Variants in TMOD1 observed in about 807,000 individuals in gnomAD.
The protein encoded by TMOD1 is tropomodulin-1.
In TMOD1, 17 loss-of-function variants were observed where a neutral mutation model predicts 40.6. The ratio of observed to expected loss-of-function variants is 0.42; its 90% CI spans 0.29 to 0.63. TMOD1 has a LOEUF of 0.63. TMOD1 is among the 20% of genes least tolerant of loss of function. The probability of loss-of-function intolerance (pLI) is 0.22; values close to 1 mark genes in which losing one functional copy is unlikely to be tolerated. For synonymous variants in TMOD1, 181 were observed against 175.0 expected, an observed-to-expected ratio of 1.03 and a Z score of -0.27; for missense variants, 391 against 447.6, an observed-to-expected ratio of 0.87 and a Z score of 1.14.
chr9:97,580,991 T>C (rs1028573181), intron 8 of TMOD1, among the ~76,000 whole-genome samples: 1 of 38,432 alleles, frequency 2.6e-5, no homozygotes, highest in Non-Finnish European at 5.7e-5. Context: ...ATTTTATTTC[T>C]TTTTTCTTTT....
intron 4 of TMOD1, among the ~76,000 whole-genome samples, chr9:97,554,315 C>T (rs556487132): frequency 7.9e-5 from 12 of 151,992 alleles, no homozygotes; most frequent in South Asian, 4.2e-4. Context: ...TAAGTGGTGT[C>T]GGTGCCATTA....
rs755584842 is a variant in TMOD1 at position 97,527,877 on chromosome 9, G to C, written c.120+3569G>C. Among the ~76,000 whole-genome samples, 3 of 152,226 alleles carry C rather than the reference G, an allele frequency of 2.0e-5. No individual in the cohort carries two copies. The South Asian group carries it at 6.2e-4, about 32-fold the overall frequency. On this transcript the variant is annotated intron_variant, in intron 2 of 9. Coordinates refer to ENST00000259365, the MANE Select transcript of TMOD1 (RefSeq NM_003275.4). ...GCCCTGCAGGCCTTTTGGGCTGTTT[G>C]AGTTGCCCTGAGATGCTGCATGGGG...
At chr9:97,550,740 T>C (rs2131252206) in intron 3 of TMOD1, among the ~76,000 whole-genome samples, 1 of 152,242 alleles carries the variant, frequency 6.6e-6, no homozygotes, top group Admixed American at 6.5e-5. Flanking sequence ...TGTTGTTGAG[T>C]TGTAAAAGTT....
chr9:97,549,761 C>T (rs1243342375), intron 3 of TMOD1, among the ~76,000 whole-genome samples: 1 of 152,104 alleles, frequency 6.6e-6, no homozygotes, highest in African/African-American at 2.4e-5. Context: ...TCTCTATGCG[C>T]TTCCCACTCC....
chr9:97,597,235 G>A (rs1398517260), intron 9 of TMOD1, among the ~76,000 whole-genome samples: 1 of 152,218 alleles, frequency 6.6e-6, no homozygotes, highest in Non-Finnish European at 1.5e-5. Context: ...AGAATTGAAG[G>A]AGGATATTGG....
chr9:97,555,680 C>T (rs776448952), intron 4 of TMOD1: 2 of 1,551,136 alleles, frequency 1.3e-6, no homozygotes, highest in South Asian at 2.4e-5. Flanking sequence ...GGACTGAACA[C>T]TTTTGACCAC....
At chr9:97,570,534 T>C (rs1184024554) in intron 8 of TMOD1, among the ~76,000 whole-genome samples, 2 of 152,270 alleles carry the variant, frequency 1.3e-5, no homozygotes, top group Admixed American at 1.3e-4. Context: ...TTTTTTTTTT[T>C]CTTTGAGAGC....
At chr9:97,548,615 GA>G (rs1369351003) in intron 3 of TMOD1, among the ~76,000 whole-genome samples, 1 of 152,148 alleles carries the variant, frequency 6.6e-6, no homozygotes, top group Non-Finnish European at 1.5e-5. Flanking sequence ...ATGGGGAAGG[GA>G]GTCTGAACGG....
Position 97,600,444 on chromosome 9 carries a change from A to G in TMOD1, c.*746A>G, listed in dbSNP as rs1826231040. ...GGATTTATGTACAATTTAATACTGG[A>G]GTTAGAACTTTTTCCTTATTGAATG... On this transcript the variant is annotated 3_prime_UTR_variant, in exon 10 of 10. Coordinates refer to ENST00000259365, the MANE Select transcript of TMOD1 (RefSeq NM_003275.4). The G allele has an allele frequency of 1.0e-6, 1 of 985,540 alleles. No homozygotes were observed. Among genetic ancestry groups the G allele is most frequent in the Non-Finnish European group, 1.2e-6 (1 of 830,102 alleles). The allele number at this position is 985,540 out of a possible 1,614,324, so 61.0% of individuals were successfully genotyped here.
At chr9:97,562,252 A>T (rs1830652612) in intron 4 of TMOD1, among the ~76,000 whole-genome samples, 1 of 152,176 alleles carries the variant, frequency 6.6e-6, no homozygotes, top group South Asian at 2.1e-4. Flanking sequence ...CCGTGATGAC[A>T]CAGCTGTGAC....
chr9:97,594,502 T>C lies in TMOD1; in HGVS notation c.1015+3067T>C, dbSNP rs1177722368. Among the ~76,000 whole-genome samples, 13 of 152,262 alleles carry C rather than the reference T, an allele frequency of 8.5e-5. No homozygotes were observed. In the East Asian group the frequency reaches 2.3e-3, roughly 27 times the overall value. Reference sequence around the variant, plus strand: ...CAGGCCTGGCAGCAGGGAGCGCAGATTGGGAAGGGAGCAGGCCTCTCAGGC... The same window carrying C: ...CAGGCCTGGCAGCAGGGAGCGCAGACTGGGAAGGGAGCAGGCCTCTCAGGC... On this transcript the variant is annotated intron_variant, in intron 9 of 9. Coordinates refer to ENST00000259365, the MANE Select transcript of TMOD1 (RefSeq NM_003275.4).
chr9:97,558,774 A>G (rs1830570958), intron 4 of TMOD1, among the ~76,000 whole-genome samples: 1 of 152,206 alleles, frequency 6.6e-6, no homozygotes, highest in Non-Finnish European at 1.5e-5. Context: ...GTCAAACAGG[A>G]TAAAAACATG....
In TMOD1 at chr9:97,524,369, T is replaced by A. The variant is rs1829966707; in HGVS notation, c.120+61T>A. ...GCGAGGGGACCTGGGGAGGGACAGG[T>A]GGATGCTTCCTAAAGCCACCACTTC... On this transcript the variant is annotated intron_variant, in intron 2 of 9. Coordinates refer to ENST00000259365, the MANE Select transcript of TMOD1 (RefSeq NM_003275.4). The A allele has an allele frequency of 2.5e-6, 4 of 1,573,408 alleles. No individual in the cohort carries two copies. In the South Asian group the frequency reaches 4.7e-5, roughly 18 times the overall value.
chr9:97,518,823 G>T (rs1348953393), intron 1 of TMOD1, among the ~76,000 whole-genome samples: 4 of 152,130 alleles, frequency 2.6e-5, no homozygotes, highest in Non-Finnish European at 5.9e-5. Flanking sequence ...GCATTGTCTT[G>T]GGATACAGAA....
chr9:97,574,329 G>C (rs1186927691), intron 8 of TMOD1, among the ~76,000 whole-genome samples: 11 of 152,060 alleles, frequency 7.2e-5, no homozygotes, highest in African/African-American at 2.7e-4. Context: ...GGCCGACCCC[G>C]CCGGCTCCGG....
intron 9 of TMOD1, among the ~76,000 whole-genome samples, chr9:97,596,208 G>A (rs950076570): frequency 5.9e-5 from 9 of 152,152 alleles, no homozygotes; most frequent in African/African-American, 1.4e-4. Context: ...GTGTCCTGCC[G>A]TGTATGTTGA....
chr9:97,566,227 G>T (rs994981947), intron 7 of TMOD1, among the ~76,000 whole-genome samples: 1 of 152,144 alleles, frequency 6.6e-6, no homozygotes, highest in South Asian at 2.1e-4. Context: ...GTTCGGAGAG[G>T]TCAGGCAACT....
At chr9:97,534,514 A>G (rs1197493891) in intron 2 of TMOD1, among the ~76,000 whole-genome samples, 1 of 152,144 alleles carries the variant, frequency 6.6e-6, no homozygotes, top group Non-Finnish European at 1.5e-5. Flanking sequence ...CCAAAACCCA[A>G]TTGGGGACAG....
chr9:97,555,710 A>G (rs1265365814), intron 4 of TMOD1: 4 of 1,544,014 alleles, frequency 2.6e-6, no homozygotes, highest in Admixed American at 3.9e-5. Flanking sequence ...CCCAGGTTCT[A>G]TGTGAGTTGC....
Sources: allele counts gnomAD v4.1 joint callset (sites outside exome capture counted in the v4.1 genomes callset), GRCh38; gene constraint gnomAD v4.1.1; transcripts MANE v1.5; gene names NCBI Gene and HGNC (gene_info 2026-07-23, HGNC 2026-07-21).